AMOT: variants seen among roughly 807,000 people sequenced by gnomAD.
The protein encoded by AMOT is angiomotin.
Under a neutral mutation model 67.0 loss-of-function variants are expected in AMOT, and 11 were observed. The observed-to-expected ratio is 0.16, with a 90% confidence interval of 0.10 to 0.27. The LOEUF is 0.27. Ranked by LOEUF, AMOT falls within the 10% of genes least tolerant of loss-of-function variation. AMOT has a pLI of 1.00. For missense variants in AMOT, 753 were observed against 852.0 expected (o/e 0.88, Z 1.45); for synonymous variants, 326 against 321.4 (o/e 1.01, Z -0.15).
intron 12 of AMOT, chrX:112,780,522 G>T: frequency 4.2e-6 from 1 of 240,010 alleles, no homozygotes; most frequent in East Asian, 6.9e-5. Context: ...CCGGAATTTT[G>T]ACATTTGGAA....
chrX:112,789,096 C>T (rs925972019), intron 10 of AMOT, among the ~76,000 whole-genome samples: 1 of 111,867 alleles, frequency 8.9e-6, no homozygotes, highest in Non-Finnish European at 1.9e-5. Flanking sequence ...TCTCACACTG[C>T]ACACTCTCGT....
At chrX:112,797,185 A>AT (rs1183980084) in intron 8 of AMOT, among the ~76,000 whole-genome samples, 1 of 110,533 alleles carries the variant, frequency 9.0e-6, no homozygotes, top group African/African-American at 3.3e-5. Context: ...CACTTACCTA[A>AT]TTTTTCCAGT....
At chrX:112,796,978 A>T (rs1242340525) in intron 8 of AMOT, among the ~76,000 whole-genome samples, 1 of 112,211 alleles carries the variant, frequency 8.9e-6, no homozygotes, top group Non-Finnish European at 1.9e-5. Context: ...GCTGAGGTTC[A>T]GAAACTTTGC....
chrX:112,809,276 C>T (rs182725884), intron 7 of AMOT, among the ~76,000 whole-genome samples: 1 of 111,665 alleles, frequency 9.0e-6, no homozygotes, highest in Admixed American at 9.5e-5. Flanking sequence ...GGGTGGGGTC[C>T]ATTAGACACT....
chrX:112,824,646 C>T (rs994406339), intron 3 of AMOT, among the ~76,000 whole-genome samples: 1 of 111,182 alleles, frequency 9.0e-6, no homozygotes, highest in Non-Finnish European at 1.9e-5. Context: ...TCCAAAGTCC[C>T]TCTCATCATA....
At chrX:112,824,832 T>A (rs1934803569) in intron 3 of AMOT, among the ~76,000 whole-genome samples, 1 of 108,813 alleles carries the variant, frequency 9.2e-6, no homozygotes, top group African/African-American at 3.6e-5. Context: ...ACTACCAAAT[T>A]ACTTTTCCCT....
chrX:112,795,683 T>C (rs922833482), intron 8 of AMOT, among the ~76,000 whole-genome samples: 2 of 111,059 alleles, frequency 1.8e-5, no homozygotes, highest in African/African-American at 6.6e-5. Flanking sequence ...AGAGTCCCAG[T>C]GTTTGGTGGA....
intron 1 of AMOT, among the ~76,000 whole-genome samples, chrX:112,836,181 C>T (rs629247): frequency 0.036 from 4,006 of 111,865 alleles, 178 homozygotes; most frequent in African/African-American, 0.12. Context: ...AATTTATACT[C>T]ACTTGATGGG....
chrX:112,815,627 T>C lies in AMOT; in HGVS notation c.1123A>G (p.Ser375Gly). ...DHYRLSQPGL[S>G]QQQQQQQQQH... is the part of the protein sequence containing the mutation. ...TGCTGCTGTTGCTGCTGCTGCTGAC[T>C]CAGGCCAGGTTGGGAGAGACGGTAA... is the stretch of plus-strand genomic sequence containing the variant. Residue 375 changes from serine (S) to glycine (G), a missense_variant, in exon 5 of 14, where the codon AGT (serine) becomes GGT (glycine). Physicochemically the swap from Ser to Gly is moderately conservative, Grantham distance 56. Around this residue, in one of 5 missense-constraint regions of AMOT, gnomAD observed 297 missense variants for 284.3 expected, o/e 1.04. Coordinates refer to ENST00000371959, the MANE Select transcript of AMOT (RefSeq NM_001113490.2). 8.3e-7 allele frequency: 1 copy of C among 1,201,451 alleles called. No homozygotes were observed. Among genetic ancestry groups the C allele is most frequent in the East Asian group, 3.0e-5 (1 of 33,158 alleles).
intron 10 of AMOT, among the ~76,000 whole-genome samples, chrX:112,787,681 T>C (rs938733409): frequency 2.7e-5 from 3 of 110,922 alleles, no homozygotes; most frequent in East Asian, 2.8e-4. Context: ...TTGAAAAAAA[T>C]TGTCTTACCC....
chrX:112,838,172 G>A (rs146896706), intron 1 of AMOT, among the ~76,000 whole-genome samples: 3 of 110,791 alleles, frequency 2.7e-5, no homozygotes, highest in Non-Finnish European at 3.8e-5. Context: ...CCACCCCCAC[G>A]CCCCAAACAA....
intron 11 of AMOT, 88 bp from the exon 12 acceptor site, chrX:112,781,206 C>T (rs964433044): frequency 1.7e-5 from 15 of 867,819 alleles, no homozygotes; most frequent in Non-Finnish European, 2.5e-5. Flanking sequence ...TTTTGGGAGG[C>T]CGAGGTGGGC....
Position 112,778,542 on chromosome X carries a change from A to C in AMOT, c.*25T>G. ...AATGATTAAAAGCATTTTTGCTGAT[A>C]ATCTGCAGCTCTTGATTTGGCCGTT... On this transcript the variant is annotated 3_prime_UTR_variant, in exon 14 of 14. Coordinates refer to ENST00000371959, the MANE Select transcript of AMOT (RefSeq NM_001113490.2). 1 of 1,157,419 alleles carries C rather than the reference A, an allele frequency of 8.6e-7. No homozygotes were observed. The highest frequency in any genetic ancestry group is 1.2e-6 in the Non-Finnish European group (1 of 854,780).
At chrX:112,781,847 T>C (rs918598915) in intron 11 of AMOT, among the ~76,000 whole-genome samples, 1 of 111,967 alleles carries the variant, frequency 8.9e-6, no homozygotes, top group Admixed American at 9.5e-5. Context: ...CATGTGTTTA[T>C]AAAAGGAATC....
intron 10 of AMOT, among the ~76,000 whole-genome samples, chrX:112,787,048 T>C (rs1445328475): frequency 1.8e-5 from 2 of 111,522 alleles, no homozygotes; most frequent in Non-Finnish European, 3.8e-5. Flanking sequence ...TCCATATGCA[T>C]CAAAATGCCT....
intron 10 of AMOT, among the ~76,000 whole-genome samples, chrX:112,784,538 G>A (rs762830023): frequency 3.3e-4 from 37 of 112,053 alleles, no homozygotes; most frequent in South Asian, 1.5e-3. Context: ...AGTCAGTTAC[G>A]ACTGTGTCAC....
Position 112,833,479 on chromosome X carries a change from G to GGA in AMOT, c.-288-1110_-288-1109insTC, listed in dbSNP as rs1556251945. 4.3e-3 allele frequency among the ~76,000 whole-genome samples: 174 copies of GGA among 40,363 alleles called. 4 individuals carry two copies. Among genetic ancestry groups the GGA allele is most frequent in the Admixed American group, 0.017 (68 of 3,947 alleles). The allele number at this position is 40,363 out of a possible 115,157, so 35.1% of individuals were successfully genotyped here. On this transcript the variant is annotated intron_variant, in intron 1 of 13. Transcript: ENST00000371959. ...CAGACAGAATGTTCCTGGGAGTAAAGGGGGGGGGGGGGTCATCAAAATTTT... is the reference window on the plus strand; with the variant it reads ...CAGACAGAATGTTCCTGGGAGTAAAGGAGGGGGGGGGGGGTCATCAAAATTTT...
intron 7 of AMOT, among the ~76,000 whole-genome samples, chrX:112,805,303 G>A (rs966730869): frequency 9.2e-6 from 1 of 108,995 alleles, no homozygotes; most frequent in African/African-American, 3.3e-5. Context: ...CTTAATGGTT[G>A]TTGAGCAGAA....
intron 1 of AMOT, among the ~76,000 whole-genome samples, chrX:112,833,311 A>G (rs959029810): frequency 9.0e-6 from 1 of 111,136 alleles, no homozygotes; most frequent in East Asian, 2.8e-4. Flanking sequence ...AGAACCTGCT[A>G]GAAATCTTGC....
Sources: allele counts gnomAD v4.1 joint callset (sites outside exome capture counted in the v4.1 genomes callset), GRCh38; gene constraint gnomAD v4.1.1; regional missense constraint gnomAD v4.1.1; transcripts MANE v1.5; gene names NCBI Gene and HGNC (gene_info 2026-07-23, HGNC 2026-07-21).